The following UHRF2 variants were observed in gnomAD, a reference collection of about 807,000 sequenced individuals.
UHRF2 encodes the protein E3 ubiquitin-protein ligase UHRF2.
In UHRF2, 23 loss-of-function variants were observed where a neutral mutation model predicts 96.8. The observed-to-expected ratio is 0.24, with a 90% CI of 0.17 to 0.34. The LOEUF is 0.34. Ranked by LOEUF, UHRF2 falls within the 10% of genes least tolerant of loss-of-function variation. The pLI is 1.00. For synonymous variants in UHRF2, 385 were observed against 332.6 expected, an observed-to-expected ratio of 1.16 and a Z score of -1.72; for missense variants, 685 against 981.5, an observed-to-expected ratio of 0.70 and a Z score of 4.04.
chr9:6,482,376 G>C (rs370175283), intron 8 of UHRF2, among the ~76,000 whole-genome samples: 1 of 152,098 alleles, frequency 6.6e-6, no homozygotes, highest in East Asian at 1.9e-4. Flanking sequence ...AGCCTTTCCT[G>C]CCAAAAATTT....
At chr9:6,414,308 C>T (rs1246638437) in intron 1 of UHRF2, 1 of 152,152 alleles carries the variant, frequency 6.6e-6, no homozygotes, top group African/African-American at 2.4e-5. Flanking sequence ...AACCGGGGGC[C>T]GGGTTTACGA....
At chr9:6,500,447 G>T (rs1816226371) in intron 13 of UHRF2, 105 bp from the exon 14 acceptor site, 5 of 982,552 alleles carry the variant, frequency 5.1e-6, no homozygotes, top group Non-Finnish European at 7.2e-6. Flanking sequence ...TTTTATGTTG[G>T]TTATCTTTCT....
At chr9:6,438,452 T>C (rs939820341) in intron 3 of UHRF2, among the ~76,000 whole-genome samples, 4 of 152,246 alleles carry the variant, frequency 2.6e-5, no homozygotes, top group Non-Finnish European at 5.9e-5. Context: ...TAAGTGCTTA[T>C]AGGTTACCAT....
chr9:6,440,516 C>T (rs967194349), intron 3 of UHRF2, among the ~76,000 whole-genome samples: 1 of 152,122 alleles, frequency 6.6e-6, no homozygotes, highest in South Asian at 2.1e-4. Flanking sequence ...ATGTTGCTGT[C>T]AGAGGTCAAC....
rs945484067 is a variant in UHRF2, at chr9:6,451,468, T to G, written c.645-9105T>G. Among the ~76,000 whole-genome samples the G allele has an allele frequency of 0.02, 40 of 2,026 alleles. No individual in the cohort carries two copies. In the Non-Finnish European group the frequency reaches 0.23, roughly 12 times the overall value. 1.3% of individuals were successfully genotyped at this position (2,026 alleles called of 152,430 possible). ...TGTTTCTTACCTAGTTTTTTTTTGT[T>G]TTTTTTTTTTGTTTGTTTGTTTGTT... On this transcript the variant is annotated intron_variant, in intron 3 of 15. Transcript: ENST00000276893.
intron 10 of UHRF2, chr9:6,496,970 C>A (rs1160004024): frequency 6.8e-6 from 3 of 439,876 alleles, no homozygotes; most frequent in Non-Finnish European, 1.2e-5. Flanking sequence ...AAGAACCCTA[C>A]AGGCTATCTG....
intron 14 of UHRF2, 49 bp downstream of exon 14, chr9:6,500,758 T>C (rs1472658299): frequency 6.6e-7 from 1 of 1,519,710 alleles, no homozygotes; most frequent in Admixed American, 2.0e-5. Context: ...TAACAAATGA[T>C]AAATAATTGT....
chr9:6,453,865 A>G (rs765261837), intron 3 of UHRF2, among the ~76,000 whole-genome samples: 1 of 152,184 alleles, frequency 6.6e-6, no homozygotes, highest in Non-Finnish European at 1.5e-5. Flanking sequence ...AGATCATGCC[A>G]TTGTACTCCA....
At chr9:6,499,520 G>C (rs1825152250) in intron 12 of UHRF2, 1 of 169,924 alleles carries the variant, frequency 5.9e-6, no homozygotes. Flanking sequence ...CTTCATTTCT[G>C]TATTCTACTT....
At chr9:6,458,152 T>C (rs1822299337) in intron 3 of UHRF2, among the ~76,000 whole-genome samples, 3 of 152,220 alleles carry the variant, frequency 2.0e-5, no homozygotes. Context: ...CTTTTTTTGG[T>C]TGGAACTTGT....
Position 6,458,126 on chromosome 9 carries a change from T to A in UHRF2, c.645-2447T>A, listed in dbSNP as rs1822297125. Among the ~76,000 whole-genome samples, 4 of 152,346 alleles carry A rather than the reference T, an allele frequency of 2.6e-5. No homozygotes were observed. In the South Asian group the frequency reaches 8.3e-4, roughly 32 times the overall value. ...ACCTCTGGTAGAATTCAGCTGTGAATCCGTCTAGTCCTAGGCTTTTTTTGG... is the reference window on the plus strand; with the variant it reads ...ACCTCTGGTAGAATTCAGCTGTGAAACCGTCTAGTCCTAGGCTTTTTTTGG... On this transcript the variant is annotated intron_variant, in intron 3 of 15. Transcript: ENST00000276893.
chr9:6,471,916 A>G (rs1208823876), intron 4 of UHRF2, among the ~76,000 whole-genome samples: 2 of 152,232 alleles, frequency 1.3e-5, no homozygotes, highest in Non-Finnish European at 2.9e-5. Context: ...GGTTAGAAAT[A>G]GGGGAGGAGA....
In UHRF2 at chr9:6,498,380, C is replaced by G. The variant is rs113766395; in HGVS notation, c.1908+222C>G. ...GGGTTGTGCTTGGGAAAAGTTGGAC[C>G]TGTTAATTAAAAGTAAAATATTTCC... On this transcript the variant is annotated intron_variant, in intron 12 of 15. Transcript: ENST00000276893. 1,731 of 397,378 alleles carry G rather than the reference C, an allele frequency of 4.4e-3. 19 individuals carry two copies. Among genetic ancestry groups the G allele is most frequent in the African/African-American group, 0.033 (1,588 of 48,256 alleles). The allele number at this position is 397,378 out of a possible 1,614,324, so 24.6% of individuals were successfully genotyped here. A position where few individuals can be genotyped will look rare whatever the true frequency, so the allele number is the denominator to read the frequency against.
chr9:6,443,538 G>A (rs1821307224), intron 3 of UHRF2, among the ~76,000 whole-genome samples: 1 of 152,172 alleles, frequency 6.6e-6, no homozygotes, highest in Non-Finnish European at 1.5e-5. Context: ...TCTATAGCAT[G>A]TCAGTTTGTT....
In UHRF2 at chr9:6,460,763, AAAG is replaced by A; in HGVS notation, c.838_840del (p.Glu280del). The A allele has an allele frequency of 6.2e-7, 1 of 1,612,874 alleles. No homozygotes were observed. The highest frequency in any genetic ancestry group is 8.5e-7 in the Non-Finnish European group (1 of 1,179,704). On this transcript the variant is annotated inframe_deletion, in exon 4 of 16. Coordinates refer to ENST00000276893, the MANE Select transcript of UHRF2 (RefSeq NM_152896.3). ...ATTGAAGACAATCTCAAGGACCAAA[AAAG>A]AACTTCGTGTGAAAATTTTCCTGGG...
chr9:6,470,503 GA>G (rs1823177788), intron 4 of UHRF2, among the ~76,000 whole-genome samples: 1 of 152,090 alleles, frequency 6.6e-6, no homozygotes. Flanking sequence ...ATAATAAAGG[GA>G]GTTATTTAAG....
At chr9:6,431,335 G>T (rs1393384781) in intron 2 of UHRF2, among the ~76,000 whole-genome samples, 3 of 151,998 alleles carry the variant, frequency 2.0e-5, no homozygotes, top group Non-Finnish European at 4.4e-5. Flanking sequence ...TGGCCAGGCA[G>T]GGTGCCTTGT....
At chr9:6,421,260 A>G (rs955541642) in intron 2 of UHRF2, 118 bp downstream of exon 2, 7 of 777,660 alleles carry the variant, frequency 9.0e-6, no homozygotes, top group African/African-American at 7.0e-5. Context: ...TGGGATGTTA[A>G]TATCATAACT....
intron 3 of UHRF2, among the ~76,000 whole-genome samples, chr9:6,436,566 TG>T (rs1820858498): frequency 6.6e-6 from 1 of 152,240 alleles, no homozygotes; most frequent in Non-Finnish European, 1.5e-5. Flanking sequence ...AGTTATTGTT[TG>T]GCAAATAATA....
Sources: allele counts gnomAD v4.1 joint callset (sites outside exome capture counted in the v4.1 genomes callset), GRCh38; gene constraint gnomAD v4.1.1; transcripts MANE v1.5; gene names NCBI Gene and HGNC (gene_info 2026-07-23, HGNC 2026-07-21).